Variants in SLC39A11 observed in about 807,000 individuals in gnomAD.
The protein encoded by SLC39A11 is solute carrier family 39 member 11, also known as zinc transporter ZIP11.
Under a neutral mutation model 36.1 loss-of-function variants are expected in SLC39A11, and 33 were observed. The ratio of observed to expected loss-of-function variants is 0.91; its 90% confidence interval spans 0.69 to 1.22. The LOEUF is 1.22. Ranked by LOEUF, SLC39A11 falls within the 50% of genes most tolerant of loss-of-function variation. The pLI is 0.00. For missense variants in SLC39A11, 432 were observed against 430.3 expected, an observed-to-expected ratio of 1.00 and a Z score of -0.03; for synonymous variants, 166 against 170.3, an observed-to-expected ratio of 0.97 and a Z score of 0.20.
intron 7 of SLC39A11, among the ~76,000 whole-genome samples, chr17:72,735,816 A>C (rs946258763): frequency 8.5e-5 from 13 of 152,192 alleles, no homozygotes; most frequent in African/African-American, 3.1e-4. Flanking sequence ...TCTAGAGAAC[A>C]GCATGTGATC....
chr17:72,874,461 C>T (rs918093601), intron 5 of SLC39A11, among the ~76,000 whole-genome samples: 1 of 152,194 alleles, frequency 6.6e-6, no homozygotes, highest in Non-Finnish European at 1.5e-5. Context: ...AGGCGTCCAT[C>T]TGCAAGGCTG....
At chr17:72,711,579 C>A (rs866148485) in intron 7 of SLC39A11, among the ~76,000 whole-genome samples, 1 of 152,172 alleles carries the variant, frequency 6.6e-6, no homozygotes, top group Non-Finnish European at 1.5e-5. Flanking sequence ...TTACAAAGAG[C>A]AAACCCATAT....
At chr17:72,914,869 T>TAAATAAATAAATA (rs2083244111) in intron 5 of SLC39A11, among the ~76,000 whole-genome samples, 1 of 152,004 alleles carries the variant, frequency 6.6e-6, no homozygotes, top group Non-Finnish European at 1.5e-5. Context: ...CTCTGTCTCA[T>TAAATAAATAAATA]AAATAAATAA....
chr17:73,005,866 G>A (rs956285256), intron 4 of SLC39A11, among the ~76,000 whole-genome samples: 4 of 152,104 alleles, frequency 2.6e-5, no homozygotes, highest in South Asian at 2.1e-4. Context: ...CAAGGGAATC[G>A]CTTGAACCTG....
chr17:72,771,349 C>T (rs1000820391), intron 6 of SLC39A11, among the ~76,000 whole-genome samples: 3 of 103,916 alleles, frequency 2.9e-5, no homozygotes, highest in African/African-American at 1.1e-4. Context: ...GAGCGAGACC[C>T]TATCTAAAAA....
chr17:72,935,241 C>T (rs748994555), intron 5 of SLC39A11, among the ~76,000 whole-genome samples: 5 of 152,124 alleles, frequency 3.3e-5, no homozygotes, highest in Non-Finnish European at 7.3e-5. Flanking sequence ...AAATGCATGA[C>T]GCCAAGTAGA....
intron 5 of SLC39A11, among the ~76,000 whole-genome samples, chr17:72,883,504 T>G (rs556180592): frequency 2.6e-5 from 4 of 152,260 alleles, no homozygotes; most frequent in Admixed American, 2.6e-4. Flanking sequence ...TTTCAAGGTT[T>G]CATGGTGGCA....
chr17:73,005,437 C>G (rs35413744), intron 4 of SLC39A11, among the ~76,000 whole-genome samples: 2 of 152,156 alleles, frequency 1.3e-5, no homozygotes, highest in African/African-American at 4.8e-5. Context: ...ATACTCTCTG[C>G]GTGTTATTTT....
chr17:73,087,633 A>T (rs571507498), intron 2 of SLC39A11, among the ~76,000 whole-genome samples: 3 of 151,994 alleles, frequency 2.0e-5, no homozygotes, highest in Non-Finnish European at 2.9e-5. Flanking sequence ...GGGTATGGGT[A>T]TGTGTGCAAG....
Position 72,924,799 on chromosome 17 carries a change from C to T in SLC39A11, c.430+22953G>A, listed in dbSNP as rs141684333. 6.3e-4 allele frequency among the ~76,000 whole-genome samples: 96 copies of T among 151,992 alleles called. 1 individual carries two copies. The East Asian group carries it at 9.7e-3, about 15-fold the overall frequency. ...CGGGTGGATCACGAGGTCAGGAGTT[C>T]GAGACCAGCCTGGCCAACATAGTGA... On this transcript the variant is annotated intron_variant, in intron 5 of 9. Coordinates refer to ENST00000255559, the MANE Select transcript of SLC39A11 (RefSeq NM_139177.4).
chr17:72,954,032 C>T lies in SLC39A11; in HGVS notation c.307-6157G>A, dbSNP rs551816809. Reference sequence around the variant, plus strand: ...GCTGGCCCATGAAGGGCAGTCTCTTCGTTTTTTTAAATTTTGTATTTGTTA... The same window carrying T: ...GCTGGCCCATGAAGGGCAGTCTCTTTGTTTTTTTAAATTTTGTATTTGTTA... On this transcript the variant is annotated intron_variant, in intron 4 of 9. Coordinates refer to ENST00000255559, the MANE Select transcript of SLC39A11 (RefSeq NM_139177.4). Among the ~76,000 whole-genome samples the T allele has an allele frequency of 7.2e-5, 11 of 152,236 alleles. No individual in the cohort carries two copies. In the South Asian group the frequency reaches 1.9e-3, roughly 26 times the overall value.
intron 6 of SLC39A11, among the ~76,000 whole-genome samples, chr17:72,771,310 C>A (rs868574898): frequency 6.6e-6 from 1 of 150,678 alleles, no homozygotes; most frequent in Non-Finnish European, 1.5e-5. Context: ...GAGATCGTGC[C>A]GCTGCACTCC....
intron 5 of SLC39A11, among the ~76,000 whole-genome samples, chr17:72,939,155 A>C (rs2084939892): frequency 6.6e-6 from 1 of 152,168 alleles, no homozygotes; most frequent in Non-Finnish European, 1.5e-5. Context: ...GTCTAGCCAG[A>C]ACCTCAGAAT....
At chr17:73,002,121 TTACTTGA>T (rs1422835632) in intron 4 of SLC39A11, among the ~76,000 whole-genome samples, 2 of 152,112 alleles carry the variant, frequency 1.3e-5, no homozygotes, top group Non-Finnish European at 2.9e-5. Context: ...AGACATACCA[TTACTTGA>T]GGTATCACTA....
At chr17:72,990,305 G>T (rs1398076351) in intron 4 of SLC39A11, among the ~76,000 whole-genome samples, 2 of 152,032 alleles carry the variant, frequency 1.3e-5, no homozygotes, top group East Asian at 3.8e-4. Context: ...CAAGAAAGAA[G>T]AAAATAAATG....
intron 7 of SLC39A11, among the ~76,000 whole-genome samples, chr17:72,730,889 T>C (rs2074188974): frequency 6.6e-6 from 1 of 152,142 alleles, no homozygotes; most frequent in African/African-American, 2.4e-5. Flanking sequence ...CAATAGGAAC[T>C]ATAGGTGTGC....
At chr17:72,817,458 C>A (rs1286998181) in intron 6 of SLC39A11, among the ~76,000 whole-genome samples, 1 of 151,970 alleles carries the variant, frequency 6.6e-6, no homozygotes, top group Non-Finnish European at 1.5e-5. Flanking sequence ...CCAAGGCATT[C>A]ATGAGGGATC....
At position 72,859,325 on chromosome 17, in the gene SLC39A11, A is replaced by C. The variant is rs371669402; in HGVS notation, c.431-9521T>G. 2.9e-4 allele frequency among the ~76,000 whole-genome samples: 41 copies of C among 141,770 alleles called. No individual in the cohort carries two copies. In the East Asian group the frequency reaches 3.5e-3, roughly 12 times the overall value. 93.0% of individuals were successfully genotyped at this position (141,770 alleles called of 152,430 possible). On this transcript the variant is annotated intron_variant, in intron 5 of 9. Coordinates refer to ENST00000255559, the MANE Select transcript of SLC39A11 (RefSeq NM_139177.4). ...GCCCAGTTATGTTTAAATTTCAGAT[A>C]AAACCAAGATTGTTTTAGTGTAAGT...
intron 4 of SLC39A11, among the ~76,000 whole-genome samples, chr17:73,030,246 G>A (rs142709691): frequency 2.0e-5 from 3 of 152,248 alleles, no homozygotes; most frequent in African/African-American, 7.2e-5. Context: ...GACCAGTAGC[G>A]GTCCTTGGTC....
Sources: gnomAD v4.1 joint callset for allele counts (sites outside exome capture counted in the v4.1 genomes callset) on GRCh38, gnomAD v4.1.1 for gene constraint, MANE v1.5 for transcripts, NCBI Gene and HGNC (gene_info 2026-07-23, HGNC 2026-07-21) for gene names.